The following PKIG variants were observed in gnomAD, a reference collection of about 807,000 sequenced individuals.
The protein encoded by PKIG is protein kinase (cAMP-dependent, catalytic) inhibitor gamma.
In PKIG, 1 loss-of-function variant was observed where a neutral mutation model predicts 6.8. The ratio of observed to expected loss-of-function variants is 0.15; its 90% CI spans 0.05 to 0.69. The LOEUF is 0.69. PKIG is among the 30% of genes least tolerant of loss of function. The pLI is 0.82. For missense variants in PKIG, 77 were observed against 104.0 expected, an observed-to-expected ratio of 0.74 and a Z score of 1.13; for synonymous variants, 39 against 43.0, an observed-to-expected ratio of 0.91 and a Z score of 0.36.
At chr20:44,562,840 C>A (rs1189527621) in intron 1 of PKIG, among the ~76,000 whole-genome samples, 1 of 152,136 alleles carries the variant, frequency 6.6e-6, no homozygotes, top group Non-Finnish European at 1.5e-5. Flanking sequence ...AGGAGGATCA[C>A]CTAAGGTCAG....
At chr20:44,550,537 C>T (rs139947787) in intron 1 of PKIG, among the ~76,000 whole-genome samples, 11 of 152,086 alleles carry the variant, frequency 7.2e-5, no homozygotes, top group South Asian at 6.3e-4. Context: ...ATTGAAATCT[C>T]GCAAAAATTG....
chr20:44,567,221 G>A (rs1385650872), intron 1 of PKIG, among the ~76,000 whole-genome samples: 1 of 152,198 alleles, frequency 6.6e-6, no homozygotes, highest in African/African-American at 2.4e-5. Flanking sequence ...TACACCATGA[G>A]ACTTCCCTAG....
Position 44,583,122 on chromosome 20 carries a change from G to C in PKIG, c.-94+391G>C, listed in dbSNP as rs565517257. ...GGTATAATAATTTTTAAACATTCTAGAAAGAAAAGTCTCCGAAAGTAGTGA... is the reference window on the plus strand; with the variant it reads ...GGTATAATAATTTTTAAACATTCTACAAAGAAAAGTCTCCGAAAGTAGTGA... On this transcript the variant is annotated intron_variant, in intron 1 of 3. Coordinates refer to ENST00000372886, the MANE Select transcript of PKIG (RefSeq NM_001281445.2). Among the ~76,000 whole-genome samples the C allele has an allele frequency of 2.0e-5, 3 of 152,148 alleles. No individual in the cohort carries two copies. The East Asian group carries it at 5.8e-4, about 29-fold the overall frequency.
In PKIG at chr20:44,566,934, G is replaced by A. The variant is rs193177117; in HGVS notation, c.-240-15651G>A. On this transcript the variant is annotated intron_variant, in intron 1 of 4. Transcript: ENST00000372887. Reference sequence around the variant, plus strand: ...AATCAGTTGTAACCCATAGGTACATGAATAGGCATGTTCCATTCATGAATT... The same window carrying A: ...AATCAGTTGTAACCCATAGGTACATAAATAGGCATGTTCCATTCATGAATT... Among the ~76,000 whole-genome samples, 319 of 152,316 alleles carry A rather than the reference G, an allele frequency of 2.1e-3. 1 individual carries two copies. The highest frequency in any genetic ancestry group is 7.4e-3 in the African/African-American group (308 of 41,572).
upstream of PKIG, among the ~76,000 whole-genome samples, chr20:44,578,234 G>A (rs1039979446): frequency 1.3e-5 from 2 of 151,282 alleles, no homozygotes; most frequent in South Asian, 4.2e-4. Context: ...CCAGTTACTC[G>A]GGAGGCTGAG....
intron 1 of PKIG, among the ~76,000 whole-genome samples, chr20:44,568,524 T>G (rs1163298514): frequency 2.0e-5 from 3 of 151,978 alleles, no homozygotes; most frequent in African/African-American, 7.2e-5. Context: ...TGGGGTACAG[T>G]GGCACAACCT....
chr20:44,552,669 A>G (rs915532819), intron 1 of PKIG, among the ~76,000 whole-genome samples: 2 of 152,212 alleles, frequency 1.3e-5, no homozygotes, highest in Non-Finnish European at 2.9e-5. Context: ...TAAAACATGG[A>G]TAATAACAAC....
intron 2 of PKIG, chr20:44,599,000 A>G (rs527588332): frequency 3.9e-5 from 6 of 152,346 alleles, no homozygotes; most frequent in Non-Finnish European, 8.8e-5. Context: ...TCAACCCAAC[A>G]TCACTGAAAA....
rs370633924 is a variant in PKIG, at chr20:44,614,773, C to T, written c.151+66C>T. On this transcript the variant is annotated intron_variant, in intron 3 of 3. Transcript: ENST00000372886. The surrounding 1 kb of genome is among the most constrained non-coding windows in gnomAD (Gnocchi z 4.6). ...GCCCTCTGCCGGGCCCCGGGCTAGC[C>T]TCCAAGTCCTAGACTGCCCATACTT... The T allele has an allele frequency of 2.4e-5, 37 of 1,544,142 alleles. No homozygotes were observed. The African/African-American group carries it at 4.2e-4, about 18-fold the overall frequency.
chr20:44,599,933 C>A (rs569686424), intron 2 of PKIG, among the ~76,000 whole-genome samples: 2 of 152,246 alleles, frequency 1.3e-5, no homozygotes, highest in East Asian at 3.9e-4. Context: ...ACCCTCCGGG[C>A]AGCTCTGCCA....
intron 2 of PKIG, among the ~76,000 whole-genome samples, chr20:44,603,584 G>A (rs959363503): frequency 2.8e-4 from 43 of 152,146 alleles, no homozygotes; most frequent in African/African-American, 9.7e-4. Context: ...GCTCTGGACC[G>A]GGAGTTAGGA....
At chr20:44,537,167 C>T (rs1361456101) in intron 1 of PKIG, among the ~76,000 whole-genome samples, 3 of 152,094 alleles carry the variant, frequency 2.0e-5, no homozygotes, top group South Asian at 2.1e-4. Flanking sequence ...TACAATGGTA[C>T]GATCTTGGCT....
intron 1 of PKIG, among the ~76,000 whole-genome samples, chr20:44,572,367 A>G (rs1259235664): frequency 1.8e-4 from 28 of 152,224 alleles, no homozygotes; most frequent in Admixed American, 1.8e-3. Flanking sequence ...TGGGGCAAAT[A>G]TATATTTTTA....
At chr20:44,546,560 C>CTTTTTTTTTTTT (rs59060487) in intron 1 of PKIG, among the ~76,000 whole-genome samples, 3 of 141,864 alleles carry the variant, frequency 2.1e-5, no homozygotes, top group African/African-American at 5.4e-5. Context: ...TTTTTGAGTT[C>CTTTTTTTTTTTT]TTTTTTTTTT....
intron 1 of PKIG, among the ~76,000 whole-genome samples, chr20:44,547,391 A>G (rs1380865468): frequency 6.6e-6 from 1 of 152,258 alleles, no homozygotes; most frequent in Non-Finnish European, 1.5e-5. Flanking sequence ...GGATAAGGGT[A>G]GAGAGAATAT....
At chr20:44,566,276 A>G (rs1257245520) in intron 1 of PKIG, among the ~76,000 whole-genome samples, 1 of 152,226 alleles carries the variant, frequency 6.6e-6, no homozygotes, top group Non-Finnish European at 1.5e-5. Context: ...AGAGTTGAGT[A>G]GTTACCACAG....
intron 1 of PKIG, among the ~76,000 whole-genome samples, chr20:44,540,862 A>G (rs191491715): frequency 1.8e-4 from 28 of 152,338 alleles, no homozygotes; most frequent in Admixed American, 1.7e-3. Flanking sequence ...GATTACAGGC[A>G]TGAGCCACTG....
At chr20:44,570,841 A>G (rs1245277327) in intron 1 of PKIG, among the ~76,000 whole-genome samples, 11 of 152,208 alleles carry the variant, frequency 7.2e-5, no homozygotes, top group Non-Finnish European at 1.6e-4. Flanking sequence ...GTGGCTTGGG[A>G]AAGTTTTTCT....
chr20:44,578,928 T>A (rs2064923859), upstream of PKIG, among the ~76,000 whole-genome samples: 1 of 152,048 alleles, frequency 6.6e-6, no homozygotes, highest in Non-Finnish European at 1.5e-5. Flanking sequence ...TCCCAACACT[T>A]TGGGAGGCCA....
Sources: gnomAD v4.1 joint callset for allele counts (sites outside exome capture counted in the v4.1 genomes callset) on GRCh38, gnomAD v4.1.1 for gene constraint, Gnocchi (gnomAD v3.1) non-coding constraint, MANE v1.5 for transcripts, NCBI Gene and HGNC (gene_info 2026-07-23, HGNC 2026-07-21) for gene names.